The following PTPRF variants were observed in gnomAD, a reference collection of about 807,000 sequenced individuals.
PTPRF encodes receptor-type tyrosine-protein phosphatase F.
A neutral mutation model predicts 201.8 loss-of-function variants in PTPRF; 59 were observed. The ratio of observed to expected loss-of-function variants is 0.29; its 90% CI spans 0.24 to 0.36. PTPRF has a LOEUF of 0.36. Ranked by LOEUF, PTPRF falls within the 10% of genes least tolerant of loss-of-function variation. PTPRF has a pLI of 1.00. For missense variants in PTPRF, 2,132 were observed against 2,690.5 expected (o/e 0.79, Z 4.59); for synonymous variants, 1,088 against 1,089.7 (o/e 1.00, Z 0.03).
intron 5 of PTPRF, among the ~76,000 whole-genome samples, chr1:43,557,869 C>G (rs968369195): frequency 1.3e-5 from 2 of 152,186 alleles, no homozygotes; most frequent in East Asian, 3.9e-4. Context: ...GCTGACTTAT[C>G]CTGCTGGTCT....
Position 43,620,939 on chromosome 1 carries a change from G to T in PTPRF, c.5466G>T (p.Val1822=). The change falls in exon 32 of 34, where the codon GTG becomes GTT. Residue 1822 remains valine, a synonymous_variant. Coordinates refer to ENST00000359947, the MANE Select transcript of PTPRF (RefSeq NM_002840.5). ...GEGFIDFIGQ[V]HKTKEQFGQD... ...GATTCATTGACTTCATCGGGCAGGT[G>T]CATAAGACCAAGGAGCAGTTTGGAC... The T allele has an allele frequency of 3.1e-6, 5 of 1,614,198 alleles. No homozygotes were observed. The highest frequency in any genetic ancestry group is 4.2e-6 in the Non-Finnish European group (5 of 1,180,024).
intron 16 of PTPRF, among the ~76,000 whole-genome samples, chr1:43,604,555 T>C (rs1432824660): frequency 6.6e-6 from 1 of 152,246 alleles, no homozygotes; most frequent in Non-Finnish European, 1.5e-5. Flanking sequence ...CACCACGCTC[T>C]GGTGTGTGGC....
At chr1:43,586,880 C>T (rs1351532954) in intron 7 of PTPRF, among the ~76,000 whole-genome samples, 1 of 152,190 alleles carries the variant, frequency 6.6e-6, no homozygotes, top group Admixed American at 6.5e-5. Flanking sequence ...GGCTGTTTCT[C>T]CATAGTCAGA....
rs996580855 is a variant in PTPRF, at chr1:43,623,049, T to A, written c.*1046T>A. The A allele has an allele frequency of 2.0e-5, 3 of 152,778 alleles. No homozygotes were observed. The highest frequency in any genetic ancestry group is 7.2e-5 in the African/African-American group (3 of 41,450). The allele number at this position is 152,778 out of a possible 1,614,324, so 9.5% of individuals were successfully genotyped here. ...CAGCATTGCAGTATGGTGTGGTGTT[T>A]GTAGGCTGTGGGGTCTGGCTGTGTG... On this transcript the variant is annotated 3_prime_UTR_variant, in exon 34 of 34. Transcript: ENST00000359947.
At position 43,603,746 on chromosome 1, in the gene PTPRF, C is replaced by G; in HGVS notation, c.2594C>G (p.Pro865Arg). ...TACTGCCGGGCCGACGAGGCGCGGCCCAACACCATAGATTTCGGCAAGGAT... is the reference window on the plus strand; with the variant it reads ...TACTGCCGGGCCGACGAGGCGCGGCGCAACACCATAGATTTCGGCAAGGAT... ...LQYCRADEAR[P>R]NTIDFGKDDQ... Residue 865 changes from proline to arginine, a missense_variant, in exon 16 of 34, where the codon CCC becomes CGC. This residue lies in a region of PTPRF where 818 missense variants were observed against 915.3 expected (regional missense o/e 0.89). Transcript: ENST00000359947. The surrounding 1 kb of genome is among the most constrained non-coding windows in gnomAD (Gnocchi z 5.8). 1 of 1,613,954 alleles carries G rather than the reference C, an allele frequency of 6.2e-7. No individual in the cohort carries two copies. Among genetic ancestry groups the G allele is most frequent in the Non-Finnish European group, 8.5e-7 (1 of 1,180,044 alleles).
At chr1:43,570,602 G>A (rs1446523220) in intron 6 of PTPRF, among the ~76,000 whole-genome samples, 1 of 152,238 alleles carries the variant, frequency 6.6e-6, no homozygotes, top group Non-Finnish European at 1.5e-5. Context: ...AGGAGGACAT[G>A]ACTCTTGCCC....
At chr1:43,613,188 G>A (rs938471148) in intron 22 of PTPRF, 7 of 309,186 alleles carry the variant, frequency 2.3e-5, no homozygotes, top group Non-Finnish European at 3.8e-5. Context: ...CTTGGTGCCC[G>A]GGATGACGAT....
Position 43,617,522 on chromosome 1 carries a change from T to C in PTPRF, c.4149T>C (p.Asn1383=). ...ACAAGCCCAAGAACCGCTATGCGAA[T>C]GTCATCGCCTACGACCACTCTCGAG... ...EVNKPKNRYA[N]VIAYDHSRVI... is the part of the protein sequence containing the mutation. Residue 1383 remains asparagine, a synonymous_variant, in exon 24 of 34, where the codon AAT becomes AAC. Transcript: ENST00000359947. 1 of 1,614,102 alleles carries C rather than the reference T, an allele frequency of 6.2e-7. No homozygotes were observed. Among genetic ancestry groups the C allele is most frequent in the Non-Finnish European group, 8.5e-7 (1 of 1,180,012 alleles).
rs1646436633 is a variant in PTPRF at position 43,569,662 on chromosome 1, C to G, written c.452C>G (p.Thr151Arg). The change falls in exon 6 of 34, where the codon ACA (threonine) becomes AGA (arginine). Residue 151 changes from threonine (T) to arginine (R), a missense_variant. Transcript: ENST00000359947. ...CTGAAGGTGGTGGAGAAGGCACGCACAGCCACCATGCTATGTGCCGCAGGC... is the reference window on the plus strand; with the variant it reads ...CTGAAGGTGGTGGAGAAGGCACGCAGAGCCACCATGCTATGTGCCGCAGGC... ...PQLKVVEKAR[T>R]ATMLCAAGGN... 6.2e-7 allele frequency: 1 copy of G among 1,613,902 alleles called. No homozygotes were observed. The highest frequency in any genetic ancestry group is 1.3e-5 in the African/African-American group (1 of 74,924).
Position 43,604,223 on chromosome 1 carries a change from T to C in PTPRF, c.3037+34T>C, listed in dbSNP as rs373484663. On this transcript the variant is annotated intron_variant, in intron 16 of 33. Transcript: ENST00000359947. ...TGTGGACATGGCATCCCTTCCCGAG[T>C]GTGGCTGCATCTGGGGGTCTCTGCT... 8.6e-5 allele frequency: 137 copies of C among 1,594,126 alleles called. 1 individual carries two copies. The African/African-American group carries it at 1.3e-3, about 15-fold the overall frequency.
intron 21 of PTPRF, among the ~76,000 whole-genome samples, chr1:43,608,385 C>T (rs1382451031): frequency 6.6e-6 from 1 of 152,162 alleles, no homozygotes; most frequent in Non-Finnish European, 1.5e-5. Flanking sequence ...TACTTCTAAT[C>T]CTTGGGCCAG....
At position 43,540,425 on chromosome 1, in the gene PTPRF, A is replaced by G. The variant is rs116777045; in HGVS notation, c.-46+2148A>G. Among the ~76,000 whole-genome samples, 1,167 of 152,226 alleles carry G rather than the reference A, an allele frequency of 7.7e-3. 10 individuals carry two copies. Among genetic ancestry groups the G allele is most frequent in the African/African-American group, 0.027 (1,107 of 41,546 alleles). On this transcript the variant is annotated intron_variant, in intron 2 of 33. Coordinates refer to ENST00000359947, the MANE Select transcript of PTPRF (RefSeq NM_002840.5). The stretch of plus-strand genomic sequence containing the variant: ...GGCAGGAGAAGGACATTTTTTTCCA[A>G]TAGACAGAACGGCAGGTACAGAGGC...
rs1285797824 is a variant in PTPRF, at chr1:43,623,216, T to G, written c.*1213T>G. 6.6e-6 allele frequency: 1 copy of G among 152,668 alleles called. No homozygotes were observed. Among genetic ancestry groups the G allele is most frequent in the East Asian group, 1.9e-4 (1 of 5,198 alleles). The allele number at this position is 152,668 out of a possible 1,614,324, so 9.5% of individuals were successfully genotyped here. A position where few individuals can be genotyped will look rare whatever the true frequency, so the allele number is the denominator to read the frequency against. ...CCTCAGAGCAGGGGCCAGATGATTT[T>G]CCTCCCTGGTTTGCAGCTGTTTTCA... On this transcript the variant is annotated 3_prime_UTR_variant, in exon 34 of 34. Coordinates refer to ENST00000359947, the MANE Select transcript of PTPRF (RefSeq NM_002840.5).
intron 23 of PTPRF, 39 bp from the exon 24 acceptor site, chr1:43,617,404 GGC>G (rs1319011729): frequency 5.6e-6 from 9 of 1,612,636 alleles, no homozygotes; most frequent in Non-Finnish European, 7.6e-6. Context: ...GGTCAACCTT[GGC>G]TCTTACCCCA....
At chr1:43,586,595 C>T (rs1649209812) in intron 7 of PTPRF, among the ~76,000 whole-genome samples, 1 of 152,252 alleles carries the variant, frequency 6.6e-6, no homozygotes. Flanking sequence ...GACAGAAACC[C>T]ACTTATACCA....
At chr1:43,613,554 C>A in intron 22 of PTPRF, 64 bp from the exon 23 acceptor site, 1 of 1,358,758 alleles carries the variant, frequency 7.4e-7, no homozygotes, top group Non-Finnish European at 1.1e-6. Context: ...TGCGTTGGGG[C>A]TTTCTCTGCC....
intron 8 of PTPRF, among the ~76,000 whole-genome samples, chr1:43,590,581 GT>G (rs1650408303): frequency 6.6e-6 from 1 of 152,180 alleles, no homozygotes; most frequent in Non-Finnish European, 1.5e-5. Flanking sequence ...TTTCCACCAG[GT>G]GGGCTCAGGT....
At chr1:43,616,275 A>T (rs546656783) in intron 23 of PTPRF, among the ~76,000 whole-genome samples, 5 of 151,116 alleles carry the variant, frequency 3.3e-5, no homozygotes, top group Non-Finnish European at 7.4e-5. Context: ...GAATACATGC[A>T]AAGTGCTCAC....
chr1:43,613,710 TATGAGGTGAG>T lies in PTPRF; in HGVS notation c.4070_4071+8del. 1 of 1,612,880 alleles carries T rather than the reference TATGAGGTGAG, an allele frequency of 6.2e-7. No homozygotes were observed. The highest frequency in any genetic ancestry group is 8.5e-7 in the Non-Finnish European group (1 of 1,179,358). ...CGATGGCCTCAAGTTCTCCCAGGAGTATGAGGTGAGATGTTCCCGCCCCCTACCATGTGCC... is the reference window on the plus strand; with the variant it reads ...CGATGGCCTCAAGTTCTCCCAGGAGTATGTTCCCGCCCCCTACCATGTGCC... On this transcript the variant is annotated splice_donor_variant and splice_donor_5th_base_variant and coding_sequence_variant and intron_variant, in exon 23 of 34. Transcript: ENST00000359947. LOFTEE classifies it high-confidence loss of function.
Sources: gnomAD v4.1 joint callset for allele counts (sites outside exome capture counted in the v4.1 genomes callset) on GRCh38, gnomAD v4.1.1 for gene constraint, gnomAD v4.1.1 regional missense constraint, Gnocchi (gnomAD v3.1) non-coding constraint, MANE v1.5 for transcripts, NCBI Gene and HGNC (gene_info 2026-07-23, HGNC 2026-07-21) for gene names.